ACSM2B: variants seen among roughly 807,000 people sequenced by gnomAD.
ACSM2B encodes the protein acyl-CoA synthetase medium chain family member 2B.
Under a neutral mutation model 78.6 loss-of-function variants are expected in ACSM2B, and 58 were observed. The observed-to-expected ratio is 0.74, with a 90% CI of 0.60 to 0.92. The LOEUF is 0.92. Among genes scored for constraint, ACSM2B ranks in the 40% least tolerant of loss-of-function variants. The pLI, the probability that ACSM2B is intolerant of heterozygous loss-of-function variation, is 0.00. For missense variants in ACSM2B, 688 were observed against 711.2 expected, an observed-to-expected ratio of 0.97 and a Z score of 0.37; for synonymous variants, 257 against 256.8, an observed-to-expected ratio of 1.00 and a Z score of -0.01.
At chr16:20,566,677 A>T (rs1280998302) in intron 1 of ACSM2B, among the ~76,000 whole-genome samples, 28 of 1,630 alleles carry the variant, frequency 0.017, 1 homozygote, top group African/African-American at 0.022. Flanking sequence ...TAGTATATAC[A>T]TATAGTATAT....
Position 20,562,866 on chromosome 16 carries a change from C to A in ACSM2B, c.177+1803G>T, listed in dbSNP as rs114356471. On this transcript the variant is annotated intron_variant, in intron 2 of 13. Coordinates refer to ENST00000329697, the MANE Select transcript of ACSM2B (RefSeq NM_001105069.2). ...CTTTGAGATATTTTCCAGACATTTG[C>A]ATTCTGGAAAACTTACTGACACTAC... Among the ~76,000 whole-genome samples the A allele has an allele frequency of 5.5e-3, 837 of 152,236 alleles. 9 individuals carry two copies. The highest frequency in any genetic ancestry group is 0.019 in the African/African-American group (773 of 41,552).
intron 1 of ACSM2B, among the ~76,000 whole-genome samples, chr16:20,571,890 C>T (rs2016102108): frequency 6.6e-6 from 1 of 151,790 alleles, no homozygotes; most frequent in Non-Finnish European, 1.5e-5. Flanking sequence ...AATATAGCTA[C>T]TCCTGCTTGT....
At chr16:20,549,062 T>C (rs1256146132) in intron 6 of ACSM2B, among the ~76,000 whole-genome samples, 1 of 152,190 alleles carries the variant, frequency 6.6e-6, no homozygotes, top group Non-Finnish European at 1.5e-5. Flanking sequence ...TCATGGAGTG[T>C]GCGCTATCAT....
intron 8 of ACSM2B, chr16:20,547,354 T>G (rs769386737): frequency 5.1e-6 from 5 of 985,152 alleles, no homozygotes; most frequent in Middle Eastern, 1.0e-3. Flanking sequence ...ACCACAGAGC[T>G]GCCATCAACA....
At chr16:20,566,708 AG>A (rs372931498) in intron 1 of ACSM2B, among the ~76,000 whole-genome samples, 6 of 36,938 alleles carry the variant, frequency 1.6e-4, no homozygotes, top group East Asian at 2.0e-3. Flanking sequence ...GTATATATAT[AG>A]TATATATAGT....
At chr16:20,548,592 T>C in intron 6 of ACSM2B, 119 bp from the exon 7 acceptor site, 2 of 1,569,944 alleles carry the variant, frequency 1.3e-6, no homozygotes, top group Non-Finnish European at 1.7e-6. Flanking sequence ...AAACCCTAGC[T>C]TGTTTACTAT....
At chr16:20,570,551 G>C (rs144095377) in intron 1 of ACSM2B, among the ~76,000 whole-genome samples, 7,816 of 151,782 alleles carry the variant, frequency 0.051, 676 homozygotes, top group African/African-American at 0.18. Flanking sequence ...TTCTGGTTTG[G>C]GTATGAGGGT....
Position 20,548,107 on chromosome 16 carries a change from G to T in ACSM2B, c.1053C>A (p.Ala351=). The T allele has an allele frequency of 6.2e-7, 1 of 1,614,020 alleles. No homozygotes were observed. Among genetic ancestry groups the T allele is most frequent in the Non-Finnish European group, 8.5e-7 (1 of 1,179,932 alleles). The part of the protein sequence containing the change: ...LLPETLENWR[A]QTGLDIREFY... The stretch of plus-strand genomic sequence containing the variant: ...ATTCTCGGATGTCCAGTCCTGTCTG[G>T]GCCCTCCAGTTCTCCAGAGTTTCTG... Residue 351 remains alanine, a synonymous_variant, in exon 8 of 14, where the codon GCC becomes GCA. Transcript: ENST00000329697.
intron 1 of ACSM2B, among the ~76,000 whole-genome samples, chr16:20,567,076 T>G (rs1324352276): frequency 7.4e-6 from 1 of 135,028 alleles, no homozygotes; most frequent in African/African-American, 2.7e-5. Context: ...CTCTTACCAC[T>G]TAGATCTAGA....
In ACSM2B at chr16:20,567,597, GA is replaced by G. The variant is rs1567219449; in HGVS notation, c.-8-2745del. Reference sequence around the variant, plus strand: ...TAAAAATATATAAATAATAATATAAGATATATAATATATAATATATAGTATA... The same window carrying G: ...TAAAAATATATAAATAATAATATAAGTATATAATATATAATATATAGTATA... On this transcript the variant is annotated intron_variant, in intron 1 of 13. Coordinates refer to ENST00000329697, the MANE Select transcript of ACSM2B (RefSeq NM_001105069.2). 3.9e-5 allele frequency among the ~76,000 whole-genome samples: 5 copies of G among 128,528 alleles called. No homozygotes were observed. In the Admixed American group the frequency reaches 4.4e-4, roughly 11 times the overall value. The allele number at this position is 128,528 out of a possible 152,430, so 84.3% of individuals were successfully genotyped here.
chr16:20,542,948 G>A lies in ACSM2B; in HGVS notation c.1475C>T (p.Ala492Val). The change falls in exon 12 of 14, where the codon GCT becomes GTT. Residue 492 changes from alanine (A) to valine (V), a missense_variant. Coordinates refer to ENST00000329697, the MANE Select transcript of ACSM2B (RefSeq NM_001105069.2). Reference protein sequence around the residue: ...LMKHPAVVETAVISSPDPVRG... With the variant: ...LMKHPAVVETVVISSPDPVRG... ...GACGGGGTCTGGGCTGCTGATCACA[G>A]CCGTCTCAACCACAGCAGGGTGCTT... 1.2e-6 allele frequency: 2 copies of A among 1,613,746 alleles called. No homozygotes were observed. Among genetic ancestry groups the A allele is most frequent in the Non-Finnish European group, 1.7e-6 (2 of 1,179,850 alleles).
chr16:20,560,978 A>T (rs2015636004), intron 2 of ACSM2B, among the ~76,000 whole-genome samples: 1 of 152,126 alleles, frequency 6.6e-6, no homozygotes, highest in South Asian at 2.1e-4. Flanking sequence ...TTTTAACGTA[A>T]GAGTAATGAC....
At chr16:20,568,370 T>C (rs1384591736) in intron 1 of ACSM2B, among the ~76,000 whole-genome samples, 1 of 145,868 alleles carries the variant, frequency 6.9e-6, no homozygotes, top group Admixed American at 7.0e-5. Context: ...TATCACATAT[T>C]ATATATTTAT....
chr16:20,566,996 ATATC>A (rs1486881958), intron 1 of ACSM2B, among the ~76,000 whole-genome samples: 1 of 122,720 alleles, frequency 8.1e-6, no homozygotes, highest in Non-Finnish European at 1.6e-5. Flanking sequence ...TATATTATAT[ATATC>A]TGTGTATACA....
chr16:20,547,883 C>T, intron 8 of ACSM2B, 179 bp downstream of exon 8: 1 of 1,408,296 alleles, frequency 7.1e-7, no homozygotes, highest in Non-Finnish European at 9.5e-7. Context: ...AAAACAGGAA[C>T]TTTGCCTTTT....
intron 9 of ACSM2B, 149 bp downstream of exon 9, chr16:20,546,244 TC>T: frequency 7.2e-7 from 1 of 1,382,562 alleles, no homozygotes; most frequent in Non-Finnish European, 9.5e-7. Flanking sequence ...ACTCTCTCCT[TC>T]CCCCTAACCT....
At chr16:20,552,565 C>T (rs1320116682) in intron 5 of ACSM2B, among the ~76,000 whole-genome samples, 9 of 152,132 alleles carry the variant, frequency 5.9e-5, no homozygotes, top group Admixed American at 5.9e-4. Flanking sequence ...TCATTCTCCT[C>T]TTAACTCCAA....
At chr16:20,555,595 C>G (rs2015450013) in intron 3 of ACSM2B, 119 bp from the exon 4 acceptor site, 2 of 1,502,486 alleles carry the variant, frequency 1.3e-6, no homozygotes, top group Non-Finnish European at 1.8e-6. Context: ...AAGTAATGAC[C>G]AATGGAGAAC....
At chr16:20,542,493 C>T (rs962126039) in intron 12 of ACSM2B, 2 of 183,376 alleles carry the variant, frequency 1.1e-5, no homozygotes, top group Admixed American at 5.4e-5. Flanking sequence ...TATTATTTAT[C>T]CTTTCATCCA....
Sources: gnomAD v4.1 joint callset for allele counts (sites outside exome capture counted in the v4.1 genomes callset) on GRCh38, gnomAD v4.1.1 for gene constraint, MANE v1.5 for transcripts, NCBI Gene and HGNC (gene_info 2026-07-23, HGNC 2026-07-21) for gene names.